GNAQ: variants seen among roughly 807,000 people sequenced by gnomAD.
GNAQ encodes the protein guanine nucleotide-binding protein G(q) subunit alpha.
A neutral mutation model predicts 43.9 loss-of-function variants in GNAQ; 8 were observed. The observed-to-expected ratio is 0.18, with a 90% CI of 0.11 to 0.33. The LOEUF is 0.33. Among genes scored for constraint, GNAQ ranks in the 10% least tolerant of loss-of-function variants. The probability of loss-of-function intolerance (pLI) is 1.00; values close to 1 mark genes in which losing one functional copy is unlikely to be tolerated. For synonymous variants in GNAQ, 155 were observed against 170.7 expected, an observed-to-expected ratio of 0.91 and a Z score of 0.71; for missense variants, 158 against 450.8, an observed-to-expected ratio of 0.35 and a Z score of 5.88.
chr9:77,863,598 C>T (rs1171835366), intron 2 of GNAQ, among the ~76,000 whole-genome samples: 2 of 152,170 alleles, frequency 1.3e-5, no homozygotes, highest in African/African-American at 2.4e-5. Context: ...ATCTTTTCAG[C>T]AGTGCCCCAC....
At chr9:78,030,745 TC>T (rs1228197143) in intron 1 of GNAQ, 1 of 370,454 alleles carries the variant, frequency 2.7e-6, no homozygotes, top group African/African-American at 2.1e-5. Flanking sequence ...TGCCCACCTT[TC>T]CACCCCCGCG....
chr9:77,813,246 T>A (rs1826955802), intron 3 of GNAQ, among the ~76,000 whole-genome samples: 1 of 152,200 alleles, frequency 6.6e-6, no homozygotes, highest in African/African-American at 2.4e-5. Context: ...AAAATCAATT[T>A]ATCCTCATTC....
chr9:78,001,252 ATTGCC>A (rs1026958798), intron 1 of GNAQ, among the ~76,000 whole-genome samples: 31 of 151,994 alleles, frequency 2.0e-4, no homozygotes, highest in Admixed American at 2.0e-3. Flanking sequence ...ACAAAAAAAA[ATTGCC>A]AGGCTTGGTA....
intron 2 of GNAQ, among the ~76,000 whole-genome samples, chr9:77,869,391 C>T (rs899928449): frequency 3.3e-5 from 5 of 152,116 alleles, no homozygotes; most frequent in African/African-American, 7.2e-5. Context: ...TAATAAGTCA[C>T]GGTTTCCTAC....
intron 2 of GNAQ, among the ~76,000 whole-genome samples, chr9:77,893,686 T>C (rs904677131): frequency 1.3e-5 from 2 of 152,158 alleles, no homozygotes; most frequent in Admixed American, 1.3e-4. Context: ...GATCCCTTTC[T>C]GGTAACAATG....
At chr9:77,744,264 G>A (rs1825696778) in intron 5 of GNAQ, among the ~76,000 whole-genome samples, 1 of 152,174 alleles carries the variant, frequency 6.6e-6, no homozygotes, top group Non-Finnish European at 1.5e-5. Context: ...ACTACATGAG[G>A]CATCCAGGAA....
At chr9:77,812,885 T>C (rs1391525004) in intron 3 of GNAQ, among the ~76,000 whole-genome samples, 1 of 151,812 alleles carries the variant, frequency 6.6e-6, no homozygotes, top group Non-Finnish European at 1.5e-5. Context: ...TACATATATA[T>C]AAGAATAATT....
At position 77,831,784 on chromosome 9, in the gene GNAQ, T is replaced by C. The variant is rs10116524; in HGVS notation, c.322-16014A>G. Among the ~76,000 whole-genome samples the C allele has an allele frequency of 7.0e-3, 1,062 of 152,342 alleles. 13 individuals are homozygous for C. Among genetic ancestry groups the C allele is most frequent in the African/African-American group, 0.025 (1,027 of 41,576 alleles). On this transcript the variant is annotated intron_variant, in intron 2 of 6. Transcript: ENST00000286548. ...AAATACTGTTCATGATTTTGTGAAA[T>C]TGTACCCTTAAATGAAAATCTTTAA...
At chr9:77,722,958 G>C (rs901285976) in intron 6 of GNAQ, among the ~76,000 whole-genome samples, 3 of 152,156 alleles carry the variant, frequency 2.0e-5, no homozygotes, top group Non-Finnish European at 4.4e-5. Flanking sequence ...CCATTATTAA[G>C]AAAGTGAAAA....
intron 1 of GNAQ, among the ~76,000 whole-genome samples, chr9:78,014,732 A>G (rs1272503390): frequency 2.0e-5 from 3 of 152,238 alleles, no homozygotes; most frequent in Admixed American, 2.0e-4. Flanking sequence ...TTCAAGATAT[A>G]ATAGCATTAA....
chr9:77,857,673 GAAGGAGGGGAAGGAGAGA>G (rs11267629), intron 2 of GNAQ, among the ~76,000 whole-genome samples: 81,159 of 142,740 alleles, frequency 0.57, 25,204 homozygotes, highest in Non-Finnish European at 0.7. Context: ...GGGAAGGAGG[GAAGGAGGGGAAGGAGAGA>G]AAGGAAGACA....
chr9:77,840,291 T>G (rs962665820), intron 2 of GNAQ, among the ~76,000 whole-genome samples: 1 of 152,076 alleles, frequency 6.6e-6, no homozygotes, highest in Admixed American at 6.6e-5. Flanking sequence ...TGCAAGTTTA[T>G]TATCTCTGTC....
chr9:77,718,255 G>T lies in GNAQ; in HGVS notation c.*3068C>A, dbSNP rs538020035. On this transcript the variant is annotated 3_prime_UTR_variant, in exon 7 of 7. Transcript: ENST00000286548. ...CCAGTGGCACACGCTTATAACGCTT[G>T]CAATCACAATATAATATAAAGCATG... is the stretch of plus-strand genomic sequence containing the variant. The T allele has an allele frequency of 3.9e-4, 91 of 232,652 alleles. No homozygotes were observed. In the South Asian group the frequency reaches 0.016, roughly 41 times the overall value. The allele number at this position is 232,652 out of a possible 1,614,324, so 14.4% of individuals were successfully genotyped here. A position where few individuals can be genotyped will look rare whatever the true frequency, so the allele number is the denominator to read the frequency against.
intron 2 of GNAQ, among the ~76,000 whole-genome samples, chr9:77,895,572 C>T (rs1343655210): frequency 2.0e-5 from 3 of 152,306 alleles, no homozygotes; most frequent in East Asian, 1.9e-4. Context: ...AAGAATCCAA[C>T]ATGGCCTTGA....
intron 1 of GNAQ, among the ~76,000 whole-genome samples, chr9:77,985,281 C>T (rs867861975): frequency 3.3e-5 from 5 of 152,146 alleles, no homozygotes; most frequent in Non-Finnish European, 4.4e-5. Flanking sequence ...CCACTGCACT[C>T]CAATCTGGGT....
At chr9:77,904,317 CTTTTTTTTTTTTTTTT>C (rs554783626) in intron 2 of GNAQ, among the ~76,000 whole-genome samples, 1 of 77,406 alleles carries the variant, frequency 1.3e-5, no homozygotes, top group Non-Finnish European at 2.2e-5. Flanking sequence ...TTCACACCGG[CTTTTTTTTTTTTTTTT>C]TTTTTTTTTT....
chr9:77,872,048 G>C (rs1166901632), intron 2 of GNAQ, among the ~76,000 whole-genome samples: 1 of 152,146 alleles, frequency 6.6e-6, no homozygotes, highest in Admixed American at 6.5e-5. Context: ...CAAATAATAG[G>C]TAGCATGTGC....
chr9:77,869,593 T>A (rs914068969), intron 2 of GNAQ, among the ~76,000 whole-genome samples: 15 of 152,184 alleles, frequency 9.9e-5, no homozygotes, highest in African/African-American at 3.4e-4. Context: ...TCTAATAACA[T>A]CATCATTCTC....
chr9:77,915,437 T>C (rs76540736), intron 2 of GNAQ, among the ~76,000 whole-genome samples: 3 of 151,810 alleles, frequency 2.0e-5, no homozygotes, highest in African/African-American at 4.8e-5. Context: ...CACATTGTTT[T>C]TTTGTTTTAT....
Sources: allele counts gnomAD v4.1 joint callset (sites outside exome capture counted in the v4.1 genomes callset), GRCh38; gene constraint gnomAD v4.1.1; transcripts MANE v1.5; gene names NCBI Gene and HGNC (gene_info 2026-07-23, HGNC 2026-07-21).